Variants in ATRNL1 observed in about 807,000 individuals in gnomAD.
The protein encoded by ATRNL1 is attractin like 1.
Under a neutral mutation model 182.7 loss-of-function variants are expected in ATRNL1, and 95 were observed. The observed-to-expected ratio is 0.52, with a 90% CI of 0.44 to 0.62. The LOEUF (loss-of-function observed/expected upper bound fraction) is 0.62. Ranked by LOEUF, ATRNL1 falls within the 20% of genes least tolerant of loss-of-function variation. The pLI, the probability that ATRNL1 is intolerant of heterozygous loss-of-function variation, is 0.00. For missense variants in ATRNL1, 1,471 were observed against 1,679.5 expected (o/e 0.88, Z 2.17); for synonymous variants, 576 against 568.3 (o/e 1.01, Z -0.19).
intron 28 of ATRNL1, among the ~76,000 whole-genome samples, chr10:115,877,043 C>G (rs1194727682): frequency 6.6e-6 from 1 of 152,118 alleles, no homozygotes; most frequent in South Asian, 2.1e-4. Flanking sequence ...GCTTTATAAG[C>G]AATTGTAAAC....
At chr10:115,339,844 A>G (rs1855655133) in intron 19 of ATRNL1, among the ~76,000 whole-genome samples, 4 of 152,164 alleles carry the variant, frequency 2.6e-5, no homozygotes, top group African/African-American at 7.2e-5. Context: ...GGTCTGTCAT[A>G]TATGGCTTTT....
intron 17 of ATRNL1, among the ~76,000 whole-genome samples, chr10:115,312,434 T>C (rs1365107986): frequency 6.6e-6 from 1 of 152,170 alleles, no homozygotes; most frequent in Non-Finnish European, 1.5e-5. Context: ...AGAGAGAACC[T>C]TGATCCCTTC....
chr10:115,170,573 A>T (rs1847248257), intron 7 of ATRNL1, among the ~76,000 whole-genome samples: 1 of 149,116 alleles, frequency 6.7e-6, no homozygotes, highest in Admixed American at 6.6e-5. Context: ...AGGGACTCAG[A>T]TGATTCAAAT....
intron 26 of ATRNL1, among the ~76,000 whole-genome samples, chr10:115,660,543 T>C (rs782352205): frequency 7.2e-5 from 11 of 152,066 alleles, no homozygotes; most frequent in Non-Finnish European, 1.5e-4. Context: ...GGGCAGTAAG[T>C]CAGAATATGA....
intron 17 of ATRNL1, among the ~76,000 whole-genome samples, chr10:115,310,728 ATC>A (rs1316987182): frequency 2.0e-5 from 3 of 152,076 alleles, no homozygotes; most frequent in African/African-American, 4.8e-5. Flanking sequence ...TTCTTTGTTA[ATC>A]TAGCTAATGG....
At chr10:115,414,266 T>C (rs1845283300) in intron 20 of ATRNL1, among the ~76,000 whole-genome samples, 1 of 152,034 alleles carries the variant, frequency 6.6e-6, no homozygotes, top group Non-Finnish European at 1.5e-5. Flanking sequence ...ATTCGGAGTA[T>C]GTAGTCAAAT....
At chr10:115,168,630 C>G (rs1257893881) in intron 7 of ATRNL1, among the ~76,000 whole-genome samples, 3 of 151,978 alleles carry the variant, frequency 2.0e-5, no homozygotes, top group Non-Finnish European at 4.4e-5. Flanking sequence ...AATGTCTATT[C>G]AAGTCCTTTG....
At chr10:115,214,309 AAT>A (rs3086142) in intron 8 of ATRNL1, among the ~76,000 whole-genome samples, 88,105 of 148,656 alleles carry the variant, frequency 0.59, 27,171 homozygotes, top group Non-Finnish European at 0.71. Flanking sequence ...TTTTAGTTCA[AAT>A]ATATATATAT....
chr10:115,790,149 T>C (rs1319541963), intron 27 of ATRNL1, among the ~76,000 whole-genome samples: 1 of 151,874 alleles, frequency 6.6e-6, no homozygotes, highest in African/African-American at 2.4e-5. Flanking sequence ...TTTGAGATCA[T>C]AGAATGCATG....
chr10:115,620,509 ACTGT>A (rs1426929527), intron 26 of ATRNL1, among the ~76,000 whole-genome samples: 10 of 152,186 alleles, frequency 6.6e-5, no homozygotes, highest in South Asian at 2.1e-4. Context: ...CAAATATAAA[ACTGT>A]CTGGCCATTA....
chr10:115,256,723 T>C (rs2133858174), intron 10 of ATRNL1, among the ~76,000 whole-genome samples: 1 of 152,332 alleles, frequency 6.6e-6, no homozygotes, highest in East Asian at 1.9e-4. Flanking sequence ...CTCTTATTTG[T>C]GATGTTGGGT....
intron 25 of ATRNL1, among the ~76,000 whole-genome samples, chr10:115,525,922 C>T (rs1030865855): frequency 3.7e-4 from 57 of 152,068 alleles, no homozygotes; most frequent in African/African-American, 1.2e-3. Flanking sequence ...ATCTTGCATC[C>T]GTATCAATTG....
chr10:115,558,049 C>CA (rs1293815372), intron 26 of ATRNL1, among the ~76,000 whole-genome samples: 12 of 83,024 alleles, frequency 1.4e-4, no homozygotes, highest in Middle Eastern at 7.1e-3. Flanking sequence ...ATCTCAAAAA[C>CA]AAAAAAACAA....
intron 27 of ATRNL1, among the ~76,000 whole-genome samples, chr10:115,791,717 C>T (rs868926563): frequency 6.6e-6 from 1 of 152,016 alleles, no homozygotes; most frequent in African/African-American, 2.4e-5. Flanking sequence ...CTATTTCACC[C>T]CCAACCTTCC....
At chr10:115,548,992 T>C (rs1852818127) in intron 25 of ATRNL1, among the ~76,000 whole-genome samples, 1 of 152,162 alleles carries the variant, frequency 6.6e-6, no homozygotes, top group Admixed American at 6.6e-5. Context: ...TTTAATATGT[T>C]CATATATAAT....
chr10:115,632,174 A>G (rs147179021), intron 26 of ATRNL1, among the ~76,000 whole-genome samples: 1 of 152,158 alleles, frequency 6.6e-6, no homozygotes, highest in African/African-American at 2.4e-5. Flanking sequence ...GCAGTAAGTT[A>G]TTTAGTCTAG....
rs560736108 is a variant in ATRNL1 at position 115,338,391 on chromosome 10, A to G, written c.3175+3972A>G. On this transcript the variant is annotated intron_variant, in intron 19 of 28. Coordinates refer to ENST00000355044, the MANE Select transcript of ATRNL1 (RefSeq NM_207303.4). ...GGTTCTGTTTTCTCCACATCCTCAC[A>G]AACATTTGTTATTGCCTGTCTTTGG... Among the ~76,000 whole-genome samples the G allele has an allele frequency of 8.5e-5, 13 of 152,286 alleles. No homozygotes were observed. The South Asian group carries it at 2.3e-3, about 27-fold the overall frequency.
intron 26 of ATRNL1, among the ~76,000 whole-genome samples, chr10:115,640,441 G>A (rs1235869114): frequency 6.6e-6 from 1 of 152,120 alleles, no homozygotes; most frequent in African/African-American, 2.4e-5. Context: ...AGCCTCTGTT[G>A]TTTCCTGACT....
chr10:115,911,725 G>T (rs1386066051), intron 28 of ATRNL1, among the ~76,000 whole-genome samples: 1 of 152,092 alleles, frequency 6.6e-6, no homozygotes, highest in African/African-American at 2.4e-5. Context: ...GAAGAGTGTG[G>T]TCATCCATCT....
Sources: gnomAD v4.1 joint callset for allele counts (sites outside exome capture counted in the v4.1 genomes callset) on GRCh38, gnomAD v4.1.1 for gene constraint, MANE v1.5 for transcripts, NCBI Gene and HGNC (gene_info 2026-07-23, HGNC 2026-07-21) for gene names.